IREB2: variants seen among roughly 807,000 people sequenced by gnomAD.
IREB2 encodes iron responsive element binding protein 2.
In IREB2, 39 loss-of-function variants were observed where a neutral mutation model predicts 118.8. That is an observed-to-expected ratio of 0.33 (90% CI 0.25 to 0.43). The LOEUF (loss-of-function observed/expected upper bound fraction) is 0.43. Ranked by LOEUF, IREB2 falls within the 20% of genes least tolerant of loss-of-function variation. The pLI, the probability that IREB2 is intolerant of heterozygous loss-of-function variation, is 1.00. For synonymous variants in IREB2, 372 were observed against 392.2 expected, an observed-to-expected ratio of 0.95 and a Z score of 0.61; for missense variants, 900 against 1,147.3, an observed-to-expected ratio of 0.78 and a Z score of 3.11.
At chr15:78,470,481 C>A in intron 5 of IREB2, 51 bp from the exon 6 acceptor site, 2 of 1,157,502 alleles carry the variant, frequency 1.7e-6, no homozygotes, top group South Asian at 1.6e-5. Context: ...AGAAACAAGG[C>A]AAGTCTTTTT....
At chr15:78,460,896 G>A (rs2051185677) in intron 2 of IREB2, among the ~76,000 whole-genome samples, 1 of 152,004 alleles carries the variant, frequency 6.6e-6, no homozygotes, top group East Asian at 1.9e-4. Context: ...AAAAACACAA[G>A]AAATGAGGAA....
At position 78,494,339 on chromosome 15, in the gene IREB2, C is replaced by G. The variant is rs2051803195; in HGVS notation, c.2595+75C>G. On this transcript the variant is annotated intron_variant, in intron 20 of 21. Transcript: ENST00000258886. ...TTCCCTTTTGTCAGTAACATCCTGT[C>G]AAAGTTTATCTGGATTTTTTATAGT... is the stretch of plus-strand genomic sequence containing the variant. 3 of 1,427,978 alleles carry G rather than the reference C, an allele frequency of 2.1e-6. No homozygotes were observed. The East Asian group carries it at 6.8e-5, about 33-fold the overall frequency. 88.5% of individuals were successfully genotyped at this position (1,427,978 alleles called of 1,614,324 possible).
At chr15:78,490,905 A>C in intron 18 of IREB2, 144 bp downstream of exon 18, 2 of 547,262 alleles carry the variant, frequency 3.7e-6, no homozygotes, top group East Asian at 4.1e-5. Context: ...TTAAGCAAGA[A>C]TGGAGAGTGG....
In IREB2 at chr15:78,473,278, G is replaced by C; in HGVS notation, c.920G>C (p.Gly307Ala). 2.5e-6 allele frequency: 4 copies of C among 1,614,004 alleles called. No individual in the cohort carries two copies. The highest frequency in any genetic ancestry group is 3.4e-6 in the Non-Finnish European group (4 of 1,179,866). Residue 307 changes from glycine (G) to alanine (A), a missense_variant, in exon 8 of 22, where the codon GGT (glycine) becomes GCT (alanine). Gly to Ala is a moderately conservative substitution (Grantham distance 60, BLOSUM62 0). Coordinates refer to ENST00000258886, the MANE Select transcript of IREB2 (RefSeq NM_004136.4). ...ATTGAAACAGAAGCAGTTATGCTTG[G>C]TCTGCCAGTTTCTCTTACTTTACCA... ...GGIETEAVML[G>A]LPVSLTLPEV...
intron 2 of IREB2, among the ~76,000 whole-genome samples, chr15:78,460,197 T>TTTCACC (rs2051173960): frequency 6.6e-6 from 1 of 152,242 alleles, no homozygotes; most frequent in Non-Finnish European, 1.5e-5. Flanking sequence ...TCTAGATCCA[T>TTTCACC]TATTTCATTA....
chr15:78,444,862 G>A (rs575283751), intron 2 of IREB2, among the ~76,000 whole-genome samples: 4 of 152,156 alleles, frequency 2.6e-5, no homozygotes, highest in African/African-American at 7.2e-5. Context: ...TTGAGTTCAG[G>A]TAGAAAGGGA....
rs576978558 is a variant in IREB2, at chr15:78,490,564, T to C, written c.2181+38T>C. The C allele has an allele frequency of 2.5e-6, 4 of 1,606,496 alleles. No individual in the cohort carries two copies. In the East Asian group the frequency reaches 8.9e-5, roughly 36 times the overall value. On this transcript the variant is annotated intron_variant, in intron 17 of 21. Transcript: ENST00000258886. ...TTACTATTTGATCTTTTAAAGATTG[T>C]TATAAACTAAGAAGTCTTGTAAAGA...
chr15:78,447,562 C>A (rs1378520444), intron 2 of IREB2, among the ~76,000 whole-genome samples: 1 of 152,074 alleles, frequency 6.6e-6, no homozygotes, highest in Non-Finnish European at 1.5e-5. Flanking sequence ...AACTCCTGAC[C>A]TCAGATGATC....
At chr15:78,473,436 T>TCCC (rs1236818352) in intron 8 of IREB2, 55 bp downstream of exon 8, 2 of 1,495,686 alleles carry the variant, frequency 1.3e-6, no homozygotes, top group African/African-American at 2.8e-5. Context: ...TTTATAAAAA[T>TCCC]TGAAGAGCTC....
rs187871471 is a variant in IREB2 at position 78,468,664 on chromosome 15, A to T, written c.630-1868A>T. On this transcript the variant is annotated intron_variant, in intron 5 of 21. Coordinates refer to ENST00000258886, the MANE Select transcript of IREB2 (RefSeq NM_004136.4). The stretch of plus-strand genomic sequence containing the variant: ...TCATTTATCCTAAGTACCAAATAAT[A>T]CGTTAATTCCTTTGTCCCTGACTGG... Among the ~76,000 whole-genome samples the T allele has an allele frequency of 2.5e-3, 379 of 152,232 alleles. 2 individuals are homozygous for T. Among genetic ancestry groups the T allele is most frequent in the African/African-American group, 7.8e-3 (324 of 41,510 alleles).
chr15:78,494,308 T>C, intron 20 of IREB2, 44 bp downstream of exon 20: 1 of 1,582,224 alleles, frequency 6.3e-7, no homozygotes, highest in Non-Finnish European at 8.6e-7. Context: ...CAAAGAGTTT[T>C]AACTGTTCCC....
Position 78,490,514 on chromosome 15 carries a change from T to A in IREB2, c.2169T>A (p.Phe723Leu). The change falls in exon 17 of 22, where the codon TTT becomes TTA. Residue 723 changes from phenylalanine to leucine, a missense_variant. Coordinates refer to ENST00000258886, the MANE Select transcript of IREB2 (RefSeq NM_004136.4). ...LKSTYIRCPS[F>L]FDKLTKEPIA... is the part of the protein sequence containing the mutation. ...CTACTTATATCAGATGCCCTTCATT[T>A]TTTGATAAACTTGTAAGTACTGTTT... 6.2e-7 allele frequency: 1 copy of A among 1,605,096 alleles called. No homozygotes were observed. The highest frequency in any genetic ancestry group is 1.7e-4 in the Middle Eastern group (1 of 6,008).
chr15:78,438,471 C>T, intron 1 of IREB2, 115 bp downstream of exon 1: 1 of 1,234,994 alleles, frequency 8.1e-7, no homozygotes, highest in Non-Finnish European at 1.2e-6. Context: ...GCCCTCGGGG[C>T]TCGGGTTGTG....
rs372289264 is a variant in IREB2 at position 78,463,773 on chromosome 15, G to A, written c.272+686G>A. Among the ~76,000 whole-genome samples, 140 of 152,240 alleles carry A rather than the reference G, an allele frequency of 9.2e-4. 1 individual carries two copies. Among genetic ancestry groups the A allele is most frequent in the African/African-American group, 3.2e-3 (133 of 41,540 alleles). On this transcript the variant is annotated intron_variant, in intron 3 of 21. Transcript: ENST00000258886. ...AGTTCACTGCAGCCTCAACCTCCTGGGCTCAAGCGATCCTCCTGCCTCTGC... is the reference window on the plus strand; with the variant it reads ...AGTTCACTGCAGCCTCAACCTCCTGAGCTCAAGCGATCCTCCTGCCTCTGC...
intron 9 of IREB2, among the ~76,000 whole-genome samples, chr15:78,477,144 T>C (rs774102204): frequency 6.6e-6 from 1 of 152,206 alleles, no homozygotes; most frequent in Admixed American, 6.5e-5. Context: ...CTTCTGCATT[T>C]GAGTTAGTAG....
Position 78,470,581 on chromosome 15 carries a change from G to A in IREB2, c.679G>A (p.Glu227Lys). ...NQEVEFGRNR[E>K]RLQFFKWSSR... ...AGAAGTAGAATTCGGCAGAAATCGA[G>A]AGAGGCTTCAGTTTTTTAAGGTATA... Residue 227 changes from glutamate (E) to lysine (K), a missense_variant, in exon 6 of 22, where the codon GAG becomes AAG. Transcript: ENST00000258886. The A allele has an allele frequency of 6.3e-7, 1 of 1,590,178 alleles. No homozygotes were observed. Among genetic ancestry groups the A allele is most frequent in the Non-Finnish European group, 8.6e-7 (1 of 1,163,758 alleles).
chr15:78,484,651 T>G, intron 11 of IREB2, 110 bp from the exon 12 acceptor site: 1 of 733,800 alleles, frequency 1.4e-6, no homozygotes, highest in Non-Finnish European at 2.2e-6. Flanking sequence ...ACAAAAAGGA[T>G]TTTTAATGTT....
rs78939711 is a variant in IREB2 at position 78,493,769 on chromosome 15, G to T, written c.2325-140G>T. On this transcript the variant is annotated intron_variant, in intron 18 of 21. Coordinates refer to ENST00000258886, the MANE Select transcript of IREB2 (RefSeq NM_004136.4). ...GTTAAGTTATAGCTTGGTGATAGGC[G>T]CATGGACATTCATGGTTTTGTTTTC... 2,992 of 660,346 alleles carry T rather than the reference G, an allele frequency of 4.5e-3. 77 individuals are homozygous for T. The highest frequency in any genetic ancestry group is 0.045 in the African/African-American group (2,461 of 54,990). The allele number at this position is 660,346 out of a possible 1,614,324, so 40.9% of individuals were successfully genotyped here. A position where few individuals can be genotyped will look rare whatever the true frequency, so the allele number is the denominator to read the frequency against.
chr15:78,470,650 A>G lies in IREB2; in HGVS notation c.699+49A>G, dbSNP rs764956507. Reference sequence around the variant, plus strand: ...TTGTATTGTAATATATAAACTAATGATAGGTACAATTTTTATATCTTTGTT... The same window carrying G: ...TTGTATTGTAATATATAAACTAATGGTAGGTACAATTTTTATATCTTTGTT... On this transcript the variant is annotated intron_variant, in intron 6 of 21. Coordinates refer to ENST00000258886, the MANE Select transcript of IREB2 (RefSeq NM_004136.4). 6 of 685,160 alleles carry G rather than the reference A, an allele frequency of 8.8e-6. No homozygotes were observed. The highest frequency in any genetic ancestry group is 1.9e-5 in the African/African-American group (1 of 53,512). The allele number at this position is 685,160 out of a possible 1,614,324, so 42.4% of individuals were successfully genotyped here.
Sources: gnomAD v4.1 joint callset for allele counts (sites outside exome capture counted in the v4.1 genomes callset) on GRCh38, gnomAD v4.1.1 for gene constraint, MANE v1.5 for transcripts, NCBI Gene and HGNC (gene_info 2026-07-23, HGNC 2026-07-21) for gene names.